Variants in ZFHX3 observed in about 807,000 individuals in gnomAD.
ZFHX3 encodes zinc finger homeobox 3.
A neutral mutation model predicts 279.1 loss-of-function variants in ZFHX3; 42 were observed. That is an observed-to-expected ratio of 0.15 (90% CI 0.12 to 0.19). The LOEUF (loss-of-function observed/expected upper bound fraction) is 0.19, where lower values mean the gene tolerates loss of function less well. Ranked by LOEUF, ZFHX3 falls within the 10% of genes least tolerant of loss-of-function variation. The pLI is 1.00. For synonymous variants in ZFHX3, 2,293 were observed against 1,957.8 expected (o/e 1.17, Z -4.52); for missense variants, 4,981 against 4,754.0 (o/e 1.05, Z -1.40).
chr16:73,507,792 T>G (rs577585436), intron 2 of ZFHX3, among the ~76,000 whole-genome samples: 1 of 152,252 alleles, frequency 6.6e-6, no homozygotes, highest in Non-Finnish European at 1.5e-5. Context: ...AGAGCCACTG[T>G]GCCTGGCCTC....
chr16:73,487,551 C>A, intron 2 of ZFHX3: 1 of 318,932 alleles, frequency 3.1e-6, no homozygotes, highest in Non-Finnish European at 6.2e-6. Flanking sequence ...CAGGCACATG[C>A]CACCATGCCC....
chr16:72,842,956 GA>G (rs1264084949), intron 4 of ZFHX3, among the ~76,000 whole-genome samples: 1 of 152,170 alleles, frequency 6.6e-6, no homozygotes, highest in East Asian at 1.9e-4. Flanking sequence ...AATTTAGCTG[GA>G]TACAATTAGG....
intron 1 of ZFHX3, among the ~76,000 whole-genome samples, chr16:73,847,917 T>TA (rs1002891245): frequency 2.8e-5 from 4 of 145,286 alleles, no homozygotes; most frequent in Non-Finnish European, 6.0e-5. Context: ...TTTTTTTTTT[T>TA]TTTTTTTTTT....
intron 2 of ZFHX3, among the ~76,000 whole-genome samples, chr16:73,473,108 A>G (rs1032747239): frequency 1.3e-5 from 2 of 151,324 alleles, no homozygotes; most frequent in African/African-American, 2.4e-5. Context: ...TGGGAGGCTG[A>G]GGTAGGAGGA....
chr16:73,058,320 C>CA (rs1965611395), intron 1 of ZFHX3, among the ~76,000 whole-genome samples: 1 of 144,196 alleles, frequency 6.9e-6, no homozygotes, highest in Non-Finnish European at 1.5e-5. Flanking sequence ...GGAAGGCGAG[C>CA]GGGACGCAGC....
At chr16:73,072,540 C>T (rs568844229) in intron 8 of ZFHX3, among the ~76,000 whole-genome samples, 1 of 151,848 alleles carries the variant, frequency 6.6e-6, no homozygotes, top group African/African-American at 2.4e-5. Context: ...TAATATAGTA[C>T]CTGCCTTCAG....
intron 3 of ZFHX3, among the ~76,000 whole-genome samples, chr16:73,326,925 T>G (rs1037526090): frequency 1.4e-4 from 21 of 152,210 alleles, no homozygotes; most frequent in Admixed American, 1.2e-3. Flanking sequence ...GTCCATATTA[T>G]GACATCTTAG....
intron 5 of ZFHX3, 30 bp downstream of exon 5, chr16:72,829,749 T>C (rs2037020244): frequency 1.2e-6 from 2 of 1,612,600 alleles, no homozygotes; most frequent in East Asian, 2.2e-5. Flanking sequence ...CCACACACAC[T>C]ACCTGTCCAC....
intron 6 of ZFHX3, among the ~76,000 whole-genome samples, chr16:73,137,928 T>C (rs1966820065): frequency 6.6e-6 from 1 of 152,194 alleles, no homozygotes; most frequent in Non-Finnish European, 1.5e-5. Context: ...AGTTCTTTAG[T>C]TGATCTTGCT....
At chr16:73,503,172 C>T (rs562520412) in intron 2 of ZFHX3, among the ~76,000 whole-genome samples, 28 of 152,268 alleles carry the variant, frequency 1.8e-4, no homozygotes, top group Middle Eastern at 3.4e-3. Flanking sequence ...ATTTCATCTC[C>T]GAGGTGTTTG....
At chr16:73,573,385 T>C (rs973837593) in intron 2 of ZFHX3, among the ~76,000 whole-genome samples, 2 of 152,156 alleles carry the variant, frequency 1.3e-5, no homozygotes, top group African/African-American at 2.4e-5. Context: ...GGTTAGAGTA[T>C]GCAGGTTCTG....
intron 1 of ZFHX3, among the ~76,000 whole-genome samples, chr16:73,771,222 GC>G (rs2054014025): frequency 1.3e-5 from 2 of 152,126 alleles, no homozygotes; most frequent in Non-Finnish European, 2.9e-5. Context: ...TGTTACCACA[GC>G]CCTGCTTTGT....
intron 4 of ZFHX3, among the ~76,000 whole-genome samples, chr16:72,871,758 T>G (rs1343391824): frequency 6.6e-6 from 1 of 151,410 alleles, no homozygotes. Context: ...ATTACAGGTG[T>G]GAACCACCAA....
intron 8 of ZFHX3, among the ~76,000 whole-genome samples, chr16:73,072,199 C>T (rs1965833189): frequency 6.6e-6 from 1 of 152,016 alleles, no homozygotes; most frequent in Non-Finnish European, 1.5e-5. Context: ...GCCTTTAATC[C>T]CAACACTTTG....
chr16:72,881,271 G>C (rs10492783), intron 4 of ZFHX3, among the ~76,000 whole-genome samples: 15,275 of 152,252 alleles, frequency 0.1, 859 homozygotes, highest in East Asian at 0.19. Flanking sequence ...CATTAACAGA[G>C]AATTTTGAGA....
At position 73,239,857 on chromosome 16, in the gene ZFHX3, T is replaced by C. The variant is rs548115243; in HGVS notation, c.-1104+17190A>G. Among the ~76,000 whole-genome samples the C allele has an allele frequency of 3.9e-5, 6 of 152,338 alleles. No homozygotes were observed. In the South Asian group the frequency reaches 1.2e-3, roughly 32 times the overall value. ...CTTGTTATTTGCAGTAGTTATGCTC[T>C]GTAAAGTTGCCACAGACACTGAGTT... On this transcript the variant is annotated intron_variant, in intron 5 of 17. Transcript: ENST00000641206.
chr16:72,911,301 A>C (rs1353315249), intron 3 of ZFHX3, among the ~76,000 whole-genome samples: 1 of 152,210 alleles, frequency 6.6e-6, no homozygotes, highest in Admixed American at 6.5e-5. Context: ...AAACAGCTCC[A>C]TGTTTCCCCC....
intron 4 of ZFHX3, among the ~76,000 whole-genome samples, chr16:72,859,875 C>T (rs547526910): frequency 2.0e-5 from 3 of 152,254 alleles, no homozygotes; most frequent in South Asian, 2.1e-4. Flanking sequence ...AAACAGGACT[C>T]CGCTCCAAGG....
chr16:73,868,251 G>T (rs983895555), intron 1 of ZFHX3, among the ~76,000 whole-genome samples: 1 of 152,218 alleles, frequency 6.6e-6, no homozygotes, highest in Non-Finnish European at 1.5e-5. Context: ...GGCCAAGTGG[G>T]GTGGCTCACG....
Sources: allele counts gnomAD v4.1 joint callset (sites outside exome capture counted in the v4.1 genomes callset), GRCh38; gene constraint gnomAD v4.1.1; transcripts MANE v1.5; gene names NCBI Gene and HGNC (gene_info 2026-07-23, HGNC 2026-07-21).